The following NRG1 variants were observed in gnomAD, a reference collection of about 807,000 sequenced individuals.
NRG1 encodes pro-neuregulin-1, membrane-bound isoform.
NRG1 carries 18 observed loss-of-function variants against 63.8 expected under a neutral mutation model. The observed-to-expected ratio is 0.28, with a 90% CI of 0.19 to 0.42. The LOEUF is 0.42. NRG1 is among the 10% of genes least tolerant of loss of function. The probability of loss-of-function intolerance (pLI) is 1.00; values close to 1 mark genes in which losing one functional copy is unlikely to be tolerated. For missense variants in NRG1, 762 were observed against 814.7 expected (o/e 0.94, Z 0.79); for synonymous variants, 302 against 301.3 (o/e 1.00, Z -0.02).
At chr8:31,818,795 C>T (rs1277312906) in intron 1 of NRG1, among the ~76,000 whole-genome samples, 1 of 152,142 alleles carries the variant, frequency 6.6e-6, no homozygotes, top group Admixed American at 6.5e-5. Flanking sequence ...CGGTGGCTCA[C>T]GCCTGTAATC....
intron 1 of NRG1, among the ~76,000 whole-genome samples, chr8:32,049,621 A>G (rs1821650096): frequency 6.6e-6 from 1 of 152,166 alleles, no homozygotes; most frequent in Non-Finnish European, 1.5e-5. Flanking sequence ...GGTGTATTCC[A>G]GATACTTGTA....
intron 1 of NRG1, among the ~76,000 whole-genome samples, chr8:32,237,867 A>G (rs923365545): frequency 6.6e-6 from 1 of 152,122 alleles, no homozygotes; most frequent in African/African-American, 2.4e-5. Flanking sequence ...AGTTACTTCC[A>G]TGAGTTTTTC....
At chr8:31,938,701 G>A (rs1319891421) in intron 1 of NRG1, among the ~76,000 whole-genome samples, 1 of 152,092 alleles carries the variant, frequency 6.6e-6, no homozygotes, top group African/African-American at 2.4e-5. Flanking sequence ...GTGAAATAAA[G>A]AGCATAAATA....
At chr8:32,595,323 G>A (rs745677626) in intron 1 of NRG1, among the ~76,000 whole-genome samples, 24 of 152,008 alleles carry the variant, frequency 1.6e-4, no homozygotes, top group Non-Finnish European at 2.5e-4. Flanking sequence ...CCAGGTAGCC[G>A]GGACTACAGG....
intron 1 of NRG1, among the ~76,000 whole-genome samples, chr8:32,215,404 C>G (rs1161519296): frequency 6.6e-6 from 1 of 152,178 alleles, no homozygotes; most frequent in Non-Finnish European, 1.5e-5. Context: ...ACCTCTGCAG[C>G]AGGACTGAGA....
intron 1 of NRG1, among the ~76,000 whole-genome samples, chr8:32,249,837 A>G (rs1219525823): frequency 6.6e-6 from 1 of 152,130 alleles, no homozygotes; most frequent in African/African-American, 2.4e-5. Context: ...TAAAGAGAAG[A>G]TTTTATTCAA....
At chr8:31,773,834 C>T (rs939684280) in intron 1 of NRG1, among the ~76,000 whole-genome samples, 1 of 152,084 alleles carries the variant, frequency 6.6e-6, no homozygotes, top group Non-Finnish European at 1.5e-5. Context: ...TTTTTTATGA[C>T]ACAGTATTTG....
chr8:32,344,384 C>CTTTCTTTCTTTCTT (rs1554513726), intron 1 of NRG1, among the ~76,000 whole-genome samples: 1 of 69,472 alleles, frequency 1.4e-5, no homozygotes, highest in Non-Finnish European at 2.7e-5. Context: ...CTTTCTTTCT[C>CTTTCTTTCTTTCTT]TTTCTTTCTT....
chr8:32,244,750 T>C (rs1410026155), intron 1 of NRG1, among the ~76,000 whole-genome samples: 1 of 152,200 alleles, frequency 6.6e-6, no homozygotes, highest in Non-Finnish European at 1.5e-5. Context: ...TCTCAAGAGT[T>C]CTTGTTGGCA....
At chr8:31,687,158 A>G (rs552354629) in intron 1 of NRG1, among the ~76,000 whole-genome samples, 1 of 152,344 alleles carries the variant, frequency 6.6e-6, no homozygotes, top group South Asian at 2.1e-4. Context: ...GGAAACAACT[A>G]AATGCATCGA....
chr8:32,075,650 C>A (rs1163569188), intron 1 of NRG1, among the ~76,000 whole-genome samples: 1 of 4,688 alleles, frequency 2.1e-4, no homozygotes, highest in Admixed American at 6.0e-3. Context: ...AATATTTTAA[C>A]CTTTTTTTTT....
intron 1 of NRG1, among the ~76,000 whole-genome samples, chr8:31,735,691 A>G (rs753971639): frequency 3.9e-5 from 6 of 152,214 alleles, no homozygotes; most frequent in Non-Finnish European, 8.8e-5. Context: ...ATTTGCCAAC[A>G]CATAGATGTA....
rs531737514 is a variant in NRG1, at chr8:32,742,852, A to C, written c.691+119A>C. The C allele has an allele frequency of 2.5e-4, 396 of 1,593,270 alleles. No individual in the cohort carries two copies. In the African/African-American group the frequency reaches 4.4e-3, roughly 18 times the overall value. ...GAGCTAGATGTGTCTTACCAGATCT[A>C]ATATTGACTGCCTCTGCCTGTCGCA... On this transcript the variant is annotated intron_variant, in intron 7 of 11. Coordinates refer to ENST00000356819, the Ensembl canonical transcript of NRG1. This position sits in a 1 kb window ranked among gnomAD's most constrained non-coding sequence, Gnocchi z 4.2.
chr8:32,180,845 C>T (rs1643611208), intron 1 of NRG1, among the ~76,000 whole-genome samples: 1 of 151,910 alleles, frequency 6.6e-6, no homozygotes, highest in African/African-American at 2.4e-5. Context: ...GTAAATAGTC[C>T]TCTTAGAATT....
At chr8:32,457,736 G>C (rs75481999) in intron 1 of NRG1, among the ~76,000 whole-genome samples, 1,854 of 152,180 alleles carry the variant, frequency 0.012, 38 homozygotes, top group African/African-American at 0.042. Context: ...ACTTTTTTGG[G>C]GAAAGTTTTT....
chr8:32,467,879 T>G (rs1406715465), intron 1 of NRG1, among the ~76,000 whole-genome samples: 1 of 152,192 alleles, frequency 6.6e-6, no homozygotes, highest in East Asian at 1.9e-4. Flanking sequence ...GACTGTTGAT[T>G]GTCCCTCTTC....
At chr8:32,411,144 G>A (rs558594511) in intron 1 of NRG1, among the ~76,000 whole-genome samples, 29 of 152,244 alleles carry the variant, frequency 1.9e-4, no homozygotes, top group African/African-American at 6.7e-4. Flanking sequence ...AAAGTGCTGA[G>A]ATTACTGGCA....
intron 1 of NRG1, among the ~76,000 whole-genome samples, chr8:32,468,744 A>G (rs1279641648): frequency 2.6e-5 from 4 of 151,148 alleles, no homozygotes; most frequent in African/African-American, 9.7e-5. Flanking sequence ...TTTTTCAGCA[A>G]GAAGTGTGTT....
chr8:31,943,962 T>C (rs1180379991), intron 1 of NRG1, among the ~76,000 whole-genome samples: 2 of 152,220 alleles, frequency 1.3e-5, no homozygotes, highest in African/African-American at 4.8e-5. Flanking sequence ...GATATTCTTA[T>C]GACTATTACT....
Sources: gnomAD v4.1 joint callset for allele counts (sites outside exome capture counted in the v4.1 genomes callset) on GRCh38, gnomAD v4.1.1 for gene constraint, Gnocchi (gnomAD v3.1) non-coding constraint, MANE v1.5 for transcripts, NCBI Gene and HGNC (gene_info 2026-07-23, HGNC 2026-07-21) for gene names.